DCC: variants seen among roughly 807,000 people sequenced by gnomAD.
DCC encodes the protein netrin receptor DCC.
In DCC, 58 loss-of-function variants were observed where a neutral mutation model predicts 172.5. The observed-to-expected ratio is 0.34, with a 90% confidence interval of 0.27 to 0.42. DCC has a LOEUF of 0.42. Ranked by LOEUF, DCC falls within the 10% of genes least tolerant of loss-of-function variation. The pLI is 1.00. For synonymous variants in DCC, 709 were observed against 644.5 expected, an observed-to-expected ratio of 1.10 and a Z score of -1.52; for missense variants, 1,740 against 1,791.0, an observed-to-expected ratio of 0.97 and a Z score of 0.51.
At chr18:52,815,234 AATAC>A (rs1432391667) in intron 2 of DCC, among the ~76,000 whole-genome samples, 1 of 152,172 alleles carries the variant, frequency 6.6e-6, no homozygotes, top group African/African-American at 2.4e-5. Context: ...GTCCCCTCAA[AATAC>A]ATGTGTTGAA....
intron 22 of DCC, among the ~76,000 whole-genome samples, chr18:53,442,593 G>T (rs2145132892): frequency 6.6e-6 from 1 of 152,228 alleles, no homozygotes; most frequent in African/African-American, 2.4e-5. Flanking sequence ...TAAGTGTCCG[G>T]GTGGAAGGAA....
At chr18:52,656,523 A>T (rs2035257910) in intron 1 of DCC, among the ~76,000 whole-genome samples, 1 of 149,884 alleles carries the variant, frequency 6.7e-6, no homozygotes, top group African/African-American at 2.5e-5. Context: ...TGATAAATAT[A>T]TGTGAATAGA....
intron 1 of DCC, among the ~76,000 whole-genome samples, chr18:52,744,265 G>A (rs1027518226): frequency 6.6e-6 from 1 of 151,830 alleles, no homozygotes; most frequent in East Asian, 1.9e-4. Context: ...CTTAATTTTT[G>A]TTCACTAAAT....
intron 1 of DCC, among the ~76,000 whole-genome samples, chr18:52,519,971 A>G (rs1386935254): frequency 6.6e-6 from 1 of 152,182 alleles, no homozygotes; most frequent in Non-Finnish European, 1.5e-5. Context: ...ATTGTATCTC[A>G]AGAGTAAAAG....
chr18:53,052,810 CCT>C (rs2042351249), intron 5 of DCC, among the ~76,000 whole-genome samples: 3 of 152,002 alleles, frequency 2.0e-5, no homozygotes, highest in Admixed American at 2.0e-4. Context: ...ACCTCCATCC[CCT>C]GTGTGTCTCC....
chr18:52,987,170 T>G (rs1211361876), intron 5 of DCC, among the ~76,000 whole-genome samples: 9 of 152,018 alleles, frequency 5.9e-5, no homozygotes, highest in Non-Finnish European at 1.2e-4. Context: ...TATGGTTTCC[T>G]CCCCCTTTCT....
intron 5 of DCC, among the ~76,000 whole-genome samples, chr18:53,010,740 TTC>T (rs1425512383): frequency 3.2e-4 from 48 of 150,986 alleles, no homozygotes; most frequent in African/African-American, 1.0e-3. Flanking sequence ...ATGATATACT[TTC>T]TGTTATATTT....
At chr18:52,983,874 G>GA (rs35486892) in intron 5 of DCC, among the ~76,000 whole-genome samples, 11 of 152,016 alleles carry the variant, frequency 7.2e-5, no homozygotes, top group South Asian at 2.1e-4. Context: ...TCAGCTGGGA[G>GA]AAAAAAATGA....
At chr18:52,353,871 G>A (rs1984241463) in intron 1 of DCC, among the ~76,000 whole-genome samples, 1 of 152,192 alleles carries the variant, frequency 6.6e-6, no homozygotes, top group South Asian at 2.1e-4. Context: ...TAAATGAGTA[G>A]AGCTTTTGTG....
At chr18:53,038,740 G>A (rs191125449) in intron 5 of DCC, among the ~76,000 whole-genome samples, 1 of 152,158 alleles carries the variant, frequency 6.6e-6, no homozygotes, top group Admixed American at 6.6e-5. Context: ...AGCAGATATT[G>A]AGACACAGGC....
chr18:53,248,100 G>A (rs1000837179), intron 12 of DCC, among the ~76,000 whole-genome samples: 1 of 152,006 alleles, frequency 6.6e-6, no homozygotes, highest in Non-Finnish European at 1.5e-5. Flanking sequence ...ATGGGTTAAT[G>A]TTGGGTGTTC....
At chr18:53,197,424 T>G (rs1161613886) in intron 9 of DCC, among the ~76,000 whole-genome samples, 2 of 149,818 alleles carry the variant, frequency 1.3e-5, no homozygotes, top group African/African-American at 4.9e-5. Context: ...TTTTAGTTTT[T>G]TTTTTTTTTT....
At chr18:52,456,811 T>A (rs963133567) in intron 1 of DCC, among the ~76,000 whole-genome samples, 4 of 152,144 alleles carry the variant, frequency 2.6e-5, no homozygotes, top group Admixed American at 2.0e-4. Flanking sequence ...ATGTAACTAA[T>A]CAGCCACAAA....
intron 12 of DCC, among the ~76,000 whole-genome samples, chr18:53,298,302 T>A (rs1194318999): frequency 6.6e-6 from 1 of 151,312 alleles, no homozygotes; most frequent in Non-Finnish European, 1.5e-5. Context: ...TTTGGGAGGG[T>A]GAGCGGGTGG....
intron 5 of DCC, among the ~76,000 whole-genome samples, chr18:53,002,680 T>C (rs2041584562): frequency 1.3e-5 from 2 of 152,160 alleles, no homozygotes; most frequent in African/African-American, 2.4e-5. Context: ...TATTATACTT[T>C]AAGTTTTAGG....
At chr18:53,429,137 A>T (rs111541445) in intron 21 of DCC, among the ~76,000 whole-genome samples, 3,796 of 48,990 alleles carry the variant, frequency 0.077, 495 homozygotes, top group Middle Eastern at 0.15. Flanking sequence ...ATAAATATAT[A>T]TATATCGGTT....
At chr18:53,373,650 T>C (rs1163808340) in intron 15 of DCC, among the ~76,000 whole-genome samples, 1 of 152,172 alleles carries the variant, frequency 6.6e-6, no homozygotes, top group African/African-American at 2.4e-5. Context: ...TAACTTAATG[T>C]CCCTTTTTGT....
At chr18:52,926,779 C>CTA (rs34422729) in intron 5 of DCC, among the ~76,000 whole-genome samples, 55,554 of 146,868 alleles carry the variant, frequency 0.38, 11,199 homozygotes, top group Non-Finnish European at 0.47. Flanking sequence ...CTAAATTAGT[C>CTA]TCTATATATA....
At chr18:53,501,922 A>G (rs775175692) in intron 27 of DCC, among the ~76,000 whole-genome samples, 51 of 152,300 alleles carry the variant, frequency 3.3e-4, no homozygotes, top group Admixed American at 7.2e-4. Context: ...AAAGCTGCCT[A>G]AAACAAAATC....
Sources: gnomAD v4.1 joint callset for allele counts (sites outside exome capture counted in the v4.1 genomes callset) on GRCh38, gnomAD v4.1.1 for gene constraint, MANE v1.5 for transcripts, NCBI Gene and HGNC (gene_info 2026-07-23, HGNC 2026-07-21) for gene names.